SPHKAP: variants seen among roughly 807,000 people sequenced by gnomAD.
SPHKAP encodes SPHK1 interactor, AKAP domain containing.
SPHKAP carries 67 observed loss-of-function variants against 137.5 expected under a neutral mutation model. That is an observed-to-expected ratio of 0.49 (90% confidence interval 0.40 to 0.60). The LOEUF (loss-of-function observed/expected upper bound fraction) is 0.60. SPHKAP is among the 20% of genes least tolerant of loss of function. The pLI, the probability that SPHKAP is intolerant of heterozygous loss-of-function variation, is 0.00. For synonymous variants in SPHKAP, 813 were observed against 785.3 expected (o/e 1.04, Z -0.59); for missense variants, 2,097 against 2,069.3 (o/e 1.01, Z -0.26).
At chr2:228,152,754 TA>T (rs1239774290) in intron 1 of SPHKAP, among the ~76,000 whole-genome samples, 1 of 151,646 alleles carries the variant, frequency 6.6e-6, no homozygotes, top group Non-Finnish European at 1.5e-5. Flanking sequence ...AAAAATATAA[TA>T]TGTATACTTA....
rs1393941364 is a variant in SPHKAP, at chr2:228,154,512, C to CTCTCTCTA, written c.33-22428_33-22427insTAGAGAGA. Among the ~76,000 whole-genome samples the CTCTCTCTA allele has an allele frequency of 8.4e-3, 185 of 22,064 alleles. 2 individuals carry two copies. The highest frequency in any genetic ancestry group is 9.1e-3 in the Non-Finnish European group (124 of 13,596). The allele number at this position is 22,064 out of a possible 152,430, so 14.5% of individuals were successfully genotyped here. ...TCTCTCTCTCTCTCTCTCTCTCTCTCTATATATATATATATATATATTTTT... is the reference window on the plus strand; with the variant it reads ...TCTCTCTCTCTCTCTCTCTCTCTCTCTCTCTCTATATATATATATATATATATATTTTT... On this transcript the variant is annotated intron_variant, in intron 1 of 11. Transcript: ENST00000392056.
chr2:228,039,721 T>C (rs1695767291), intron 3 of SPHKAP, among the ~76,000 whole-genome samples: 1 of 152,224 alleles, frequency 6.6e-6, no homozygotes, highest in South Asian at 2.1e-4. Context: ...AACAGTTTTA[T>C]TTTGACAGAT....
At position 228,018,675 on chromosome 2, in the gene SPHKAP, T is replaced by C. The variant is rs762728048; in HGVS notation, c.2179A>G (p.Ile727Val). 10 of 1,614,220 alleles carry C rather than the reference T, an allele frequency of 6.2e-6. No individual in the cohort carries two copies. Among genetic ancestry groups the C allele is most frequent in the Non-Finnish European group, 7.6e-6 (9 of 1,180,030 alleles). The change falls in exon 7 of 12, where the codon ATT becomes GTT. Residue 727 changes from isoleucine (I) to valine (V), a missense_variant. Ile to Val is a conservative substitution (Grantham distance 29). Coordinates refer to ENST00000392056, the MANE Select transcript of SPHKAP (RefSeq NM_001142644.2). Reference protein sequence around the residue: ...ICFTFKKMSHIVRLGECPAVL... With the variant: ...ICFTFKKMSHVVRLGECPAVL... ...GCAGGACATTCACCAAGCCGTACAA[T>C]ATGACTCATCTTCTTGAACGTGAAG...
intron 11 of SPHKAP, among the ~76,000 whole-genome samples, chr2:227,987,132 C>T (rs1292493973): frequency 6.6e-6 from 1 of 152,186 alleles, no homozygotes; most frequent in South Asian, 2.1e-4. Context: ...AATCACATCA[C>T]TTGTGGGAAA....
intron 2 of SPHKAP, among the ~76,000 whole-genome samples, chr2:228,122,592 T>C (rs1333093630): frequency 2.6e-5 from 4 of 152,200 alleles, no homozygotes; most frequent in African/African-American, 9.6e-5. Context: ...CATTGACATC[T>C]TCTAGAGGAT....
chr2:228,173,527 G>A (rs1282929185), intron 1 of SPHKAP, among the ~76,000 whole-genome samples: 1 of 152,146 alleles, frequency 6.6e-6, no homozygotes, highest in Admixed American at 6.5e-5. Context: ...GAAGTCAGAT[G>A]GTGTGATGGG....
At chr2:228,128,645 T>C (rs1384100068) in intron 2 of SPHKAP, among the ~76,000 whole-genome samples, 1 of 152,196 alleles carries the variant, frequency 6.6e-6, no homozygotes, top group Non-Finnish European at 1.5e-5. Flanking sequence ...TATAGCCTTA[T>C]TAAATGCAGT....
intron 3 of SPHKAP, among the ~76,000 whole-genome samples, chr2:228,089,186 T>A (rs1332956849): frequency 6.6e-6 from 1 of 152,192 alleles, no homozygotes; most frequent in African/African-American, 2.4e-5. Flanking sequence ...AGGCCTCAGA[T>A]GCAAATAAGA....
chr2:228,167,046 C>A (rs941363204), intron 1 of SPHKAP, among the ~76,000 whole-genome samples: 8 of 152,196 alleles, frequency 5.3e-5, no homozygotes. Context: ...TGGTGCTAAA[C>A]CATTCATGAA....
At chr2:228,118,636 A>C (rs1215279701) in intron 2 of SPHKAP, among the ~76,000 whole-genome samples, 1 of 151,994 alleles carries the variant, frequency 6.6e-6, no homozygotes, top group Non-Finnish European at 1.5e-5. Context: ...TTTTCTTTTC[A>C]AGATACTTTT....
chr2:228,131,498 T>A (rs1699248596), intron 2 of SPHKAP, among the ~76,000 whole-genome samples: 1 of 151,076 alleles, frequency 6.6e-6, no homozygotes, highest in Non-Finnish European at 1.5e-5. Flanking sequence ...TTTTTTTTTT[T>A]ATATCAGCTC....
intron 1 of SPHKAP, chr2:228,173,085 G>C: frequency 5.1e-6 from 5 of 985,290 alleles, no homozygotes; most frequent in Non-Finnish European, 6.0e-6. Flanking sequence ...TTATGTTCTT[G>C]AATAATCTTT....
intron 3 of SPHKAP, among the ~76,000 whole-genome samples, chr2:228,082,622 A>C (rs1697398713): frequency 6.6e-6 from 1 of 152,174 alleles, no homozygotes. Flanking sequence ...TTCAGTCACC[A>C]CGAAGTCACA....
chr2:228,139,513 C>G (rs1045869352), intron 1 of SPHKAP, among the ~76,000 whole-genome samples: 1 of 152,112 alleles, frequency 6.6e-6, no homozygotes. Flanking sequence ...TATATTATCT[C>G]TCATTAAGAA....
rs1397683386 is a variant in SPHKAP at position 228,016,954 on chromosome 2, G to A, written c.3900C>T (p.His1300=). Residue 1300 remains histidine, a synonymous_variant, in exon 7 of 12, where the codon CAC becomes CAT. Transcript: ENST00000392056. ...TTTCATGAATTAACATGTTGGTGAT[G>A]TGGTCAGTCCCACCTCTCCGATACA... ...SCLYRRGGTD[H]ITNMLIHETW... 3 of 1,614,146 alleles carry A rather than the reference G, an allele frequency of 1.9e-6. No individual in the cohort carries two copies. The highest frequency in any genetic ancestry group is 2.5e-6 in the Non-Finnish European group (3 of 1,180,026).
intron 1 of SPHKAP, among the ~76,000 whole-genome samples, chr2:228,169,467 GCTCT>G (rs1700517530): frequency 6.6e-6 from 1 of 152,024 alleles, no homozygotes; most frequent in African/African-American, 2.4e-5. Context: ...CTCTGCCTGT[GCTCT>G]GTAAATGGAA....
At chr2:228,076,689 C>A (rs1697193611) in intron 3 of SPHKAP, among the ~76,000 whole-genome samples, 1 of 152,132 alleles carries the variant, frequency 6.6e-6, no homozygotes, top group Non-Finnish European at 1.5e-5. Context: ...CTGTTAAAGG[C>A]ATTCAGTGCC....
chr2:228,097,356 G>T (rs1208307340), intron 3 of SPHKAP, among the ~76,000 whole-genome samples: 1 of 152,110 alleles, frequency 6.6e-6, no homozygotes, highest in Non-Finnish European at 1.5e-5. Context: ...TATATTTCTA[G>T]CGGCAAAAAT....
intron 2 of SPHKAP, among the ~76,000 whole-genome samples, chr2:228,113,630 TCTC>T (rs1698596346): frequency 2.0e-5 from 3 of 147,286 alleles, no homozygotes; most frequent in African/African-American, 7.9e-5. Context: ...TCTCTCTCTC[TCTC>T]TCTCTCTCTC....
Sources: gnomAD v4.1 joint callset for allele counts (sites outside exome capture counted in the v4.1 genomes callset) on GRCh38, gnomAD v4.1.1 for gene constraint, MANE v1.5 for transcripts, NCBI Gene and HGNC (gene_info 2026-07-23, HGNC 2026-07-21) for gene names.